The following EML4 variants were observed in gnomAD, a reference collection of about 807,000 sequenced individuals.
EML4 encodes EMAP like 4.
Under a neutral mutation model 129.0 loss-of-function variants are expected in EML4, and 72 were observed. The observed-to-expected ratio is 0.56, with a 90% confidence interval of 0.46 to 0.68. The LOEUF (loss-of-function observed/expected upper bound fraction) is 0.68. Ranked by LOEUF, EML4 falls within the 30% of genes least tolerant of loss-of-function variation. The pLI is 0.00. For synonymous variants in EML4, 532 were observed against 405.0 expected (o/e 1.31, Z -3.77); for missense variants, 1,363 against 1,190.6 (o/e 1.14, Z -2.13).
chr2:42,171,378 C>G (rs1489159989), intron 1 of EML4, among the ~76,000 whole-genome samples: 1 of 152,156 alleles, frequency 6.6e-6, no homozygotes, highest in Non-Finnish European at 1.5e-5. Context: ...CTAAAGATTT[C>G]TGGAGGGCTT....
Position 42,263,179 on chromosome 2 carries a change from A to T in EML4, c.514A>T (p.Ile172Leu), listed in dbSNP as rs754282899. Residue 172 changes from isoleucine (I) to leucine (L), a missense_variant and splice_region_variant, in exon 5 of 23, where the codon ATA (isoleucine) becomes TTA (leucine). Ile to Leu is a conservative substitution (Grantham distance 5). Coordinates refer to ENST00000318522, the MANE Select transcript of EML4 (RefSeq NM_019063.5). Reference sequence around the variant, plus strand: ...CTAAGAAATTAATGTTCCTTCTAGCATAAAACGACCATCACCAGCTGAAAA... The same window carrying T: ...CTAAGAAATTAATGTTCCTTCTAGCTTAAAACGACCATCACCAGCTGAAAA... ...ESKNATPTKS[I>L]KRPSPAEKSH... 6.2e-6 allele frequency: 10 copies of T among 1,610,278 alleles called. No individual in the cohort carries two copies. The highest frequency in any genetic ancestry group is 7.6e-6 in the Non-Finnish European group (9 of 1,178,820).
intron 1 of EML4, among the ~76,000 whole-genome samples, chr2:42,221,134 G>C (rs1406030768): frequency 6.6e-6 from 1 of 152,092 alleles, no homozygotes; most frequent in African/African-American, 2.4e-5. Context: ...CTAAACAACA[G>C]ATTATCAGTG....
chr2:42,331,525 T>G lies in EML4; in HGVS notation c.*1318T>G, dbSNP rs1354735361. The G allele has an allele frequency of 8.9e-6, 2 of 223,878 alleles. No homozygotes were observed. Among genetic ancestry groups the G allele is most frequent in the African/African-American group, 4.5e-5 (2 of 44,838 alleles). The allele number at this position is 223,878 out of a possible 1,614,324, so 13.9% of individuals were successfully genotyped here. A position where few individuals can be genotyped will look rare whatever the true frequency, so the allele number is the denominator to read the frequency against. ...ATACTTTGATTATAAAAAAGTATTT[T>G]GTTTTGATTTTTTAACTTGCTGCAT... On this transcript the variant is annotated 3_prime_UTR_variant, in exon 23 of 23. Coordinates refer to ENST00000318522, the MANE Select transcript of EML4 (RefSeq NM_019063.5).
chr2:42,309,298 A>G (rs1418199697), intron 17 of EML4, among the ~76,000 whole-genome samples: 1 of 151,544 alleles, frequency 6.6e-6, no homozygotes, highest in Non-Finnish European at 1.5e-5. Flanking sequence ...GGTCCCAGCT[A>G]CTCAGGAGCC....
intron 1 of EML4, among the ~76,000 whole-genome samples, chr2:42,180,239 A>G (rs1448831831): frequency 6.6e-6 from 1 of 152,206 alleles, no homozygotes; most frequent in Non-Finnish European, 1.5e-5. Context: ...TGTTCCGTGT[A>G]TGTATCATGT....
Position 42,213,359 on chromosome 2 carries a change from G to C in EML4, c.26-32146G>C, listed in dbSNP as rs138535770. Among the ~76,000 whole-genome samples the C allele has an allele frequency of 6.3e-3, 960 of 152,184 alleles. 14 individuals are homozygous for C. The highest frequency in any genetic ancestry group is 0.022 in the African/African-American group (922 of 41,510). ...CACACAGTATGGCTTCTTGTGTCTG[G>C]CTTCTTTTGCTCAGTATTATGTTTG... is the stretch of plus-strand genomic sequence containing the variant. On this transcript the variant is annotated intron_variant, in intron 1 of 22. Coordinates refer to ENST00000318522, the MANE Select transcript of EML4 (RefSeq NM_019063.5).
chr2:42,228,787 T>C (rs1199596473), intron 1 of EML4, among the ~76,000 whole-genome samples: 1 of 152,198 alleles, frequency 6.6e-6, no homozygotes, highest in African/African-American at 2.4e-5. Context: ...ATTTACCTTC[T>C]TCTCTCCCCC....
chr2:42,181,403 A>C (rs954958514), intron 1 of EML4, among the ~76,000 whole-genome samples: 5 of 152,058 alleles, frequency 3.3e-5, no homozygotes, highest in African/African-American at 1.2e-4. Context: ...GACTCAAGCG[A>C]TTCTCCTGCC....
intron 1 of EML4, among the ~76,000 whole-genome samples, chr2:42,199,617 T>G (rs960461318): frequency 6.6e-6 from 1 of 152,096 alleles, no homozygotes; most frequent in South Asian, 2.1e-4. Flanking sequence ...ATGGAAGTGG[T>G]GTCGTGTGGA....
intron 1 of EML4, among the ~76,000 whole-genome samples, chr2:42,225,306 T>C (rs1673885003): frequency 6.6e-6 from 1 of 152,130 alleles, no homozygotes; most frequent in Admixed American, 6.5e-5. Flanking sequence ...TAATCCTGTT[T>C]AATTTTTTGA....
intron 2 of EML4, among the ~76,000 whole-genome samples, chr2:42,254,638 G>C (rs1238794174): frequency 6.8e-6 from 1 of 147,836 alleles, no homozygotes; most frequent in African/African-American, 2.5e-5. Context: ...TTTTTAACCT[G>C]AAAATAACAA....
chr2:42,254,389 C>T (rs1026764218), intron 2 of EML4, among the ~76,000 whole-genome samples: 1 of 151,356 alleles, frequency 6.6e-6, no homozygotes, highest in Admixed American at 6.6e-5. Context: ...CCCCGGGAGG[C>T]CGTGGCAGCA....
chr2:42,295,375 T>G lies in EML4; in HGVS notation c.1354-6T>G. 1 of 1,608,044 alleles carries G rather than the reference T, an allele frequency of 6.2e-7. No individual in the cohort carries two copies. The highest frequency in any genetic ancestry group is 8.5e-7 in the Non-Finnish European group (1 of 1,178,644). ...AAAACTGAAAATTTTTATTGTTTCC[T>G]TGTAGAAATATGAAAAGCCAAAATT... On this transcript the variant is annotated splice_region_variant and splice_polypyrimidine_tract_variant and intron_variant, in intron 12 of 22. Coordinates refer to ENST00000318522, the MANE Select transcript of EML4 (RefSeq NM_019063.5).
At chr2:42,317,815 TTGAA>T (rs1454225023) in intron 19 of EML4, among the ~76,000 whole-genome samples, 3 of 152,136 alleles carry the variant, frequency 2.0e-5, no homozygotes, top group Non-Finnish European at 4.4e-5. Flanking sequence ...TTTTTGAAAA[TTGAA>T]TGAGTCAGAA....
chr2:42,234,315 T>C (rs191850384), intron 1 of EML4, among the ~76,000 whole-genome samples: 73 of 152,324 alleles, frequency 4.8e-4, no homozygotes, highest in African/African-American at 1.7e-3. Context: ...GAGCTGAGAT[T>C]TGCTTTGAAA....
intron 9 of EML4, 162 bp from the exon 10 acceptor site, chr2:42,286,107 A>T: frequency 1.5e-6 from 1 of 660,630 alleles, no homozygotes; most frequent in Non-Finnish European, 2.8e-6. Context: ...ACAGTATAAG[A>T]AAATACCTAC....
rs1217866589 is a variant in EML4 at position 42,310,008 on chromosome 2, A to G, written c.1967+5457A>G. Among the ~76,000 whole-genome samples the G allele has an allele frequency of 5.9e-5, 9 of 152,322 alleles. No homozygotes were observed. The South Asian group carries it at 1.4e-3, about 25-fold the overall frequency. On this transcript the variant is annotated intron_variant, in intron 17 of 22. Coordinates refer to ENST00000318522, the MANE Select transcript of EML4 (RefSeq NM_019063.5). ...CAATTCGTCTTGAGTTAATCTTCAT[A>G]TATAGTATGGCCCAGTAGGTGTCCA...
At chr2:42,227,360 G>A (rs955027499) in intron 1 of EML4, among the ~76,000 whole-genome samples, 2 of 151,988 alleles carry the variant, frequency 1.3e-5, no homozygotes, top group Non-Finnish European at 2.9e-5. Flanking sequence ...TCCCACCTCA[G>A]CCCCGCAAAG....
intron 6 of EML4, among the ~76,000 whole-genome samples, chr2:42,268,977 A>G (rs1438504680): frequency 6.6e-6 from 1 of 152,210 alleles, no homozygotes. Flanking sequence ...AAAGGAAGTC[A>G]TCAATCACTA....
Sources: gnomAD v4.1 joint callset for allele counts (sites outside exome capture counted in the v4.1 genomes callset) on GRCh38, gnomAD v4.1.1 for gene constraint, MANE v1.5 for transcripts, NCBI Gene and HGNC (gene_info 2026-07-23, HGNC 2026-07-21) for gene names.